The following MSR1 variants were observed in gnomAD, a reference collection of about 807,000 sequenced individuals.
MSR1 encodes macrophage scavenger receptor types I and II.
A neutral mutation model predicts 47.2 loss-of-function variants in MSR1; 53 were observed. That is an observed-to-expected ratio of 1.12 (90% confidence interval 0.90 to 1.41). The LOEUF is 1.41. Ranked by LOEUF, MSR1 falls within the 40% of genes most tolerant of loss-of-function variation. The probability of loss-of-function intolerance (pLI) is 0.00; values close to 1 mark genes in which losing one functional copy is unlikely to be tolerated. For missense variants in MSR1, 786 were observed against 546.9 expected (o/e 1.44, Z -4.36); for synonymous variants, 239 against 185.6 (o/e 1.29, Z -2.34).
At chr8:16,168,982 T>C (rs1032470501) in intron 3 of MSR1, 112 bp from the exon 4 acceptor site, 14 of 1,105,902 alleles carry the variant, frequency 1.3e-5, no homozygotes, top group Non-Finnish European at 1.9e-5. Flanking sequence ...TTCCAACATT[T>C]TGAATGCTAG....
intron 6 of MSR1, among the ~76,000 whole-genome samples, chr8:16,150,968 A>G (rs1343052900): frequency 6.6e-6 from 1 of 152,064 alleles, no homozygotes; most frequent in Non-Finnish European, 1.5e-5. Flanking sequence ...GAAAACTGAA[A>G]ATGGCTATTT....
rs1246537430 is a variant in MSR1 at position 16,192,637 on chromosome 8, T to C, written c.-44A>G. On this transcript the variant is annotated 5_prime_UTR_variant, in exon 1 of 10. Transcript: ENST00000262101. ...AAAGCAGCACTGATTTATCCACTTCTCTCTCTTTACAATTGAAACCTAAAA... is the reference window on the plus strand; with the variant it reads ...AAAGCAGCACTGATTTATCCACTTCCCTCTCTTTACAATTGAAACCTAAAA... The C allele has an allele frequency of 6.6e-6, 1 of 152,102 alleles. No homozygotes were observed. Among genetic ancestry groups the C allele is most frequent in the Non-Finnish European group, 1.5e-5 (1 of 68,000 alleles). 9.4% of individuals were successfully genotyped at this position (152,102 alleles called of 1,614,324 possible). A position where few individuals can be genotyped will look rare whatever the true frequency, so the allele number is the denominator to read the frequency against.
intron 8 of MSR1, among the ~76,000 whole-genome samples, chr8:16,127,292 A>G (rs1408894210): frequency 6.6e-6 from 1 of 152,128 alleles, no homozygotes; most frequent in East Asian, 1.9e-4. Flanking sequence ...CTAGAACAAT[A>G]CTAGAATACA....
At chr8:16,114,201 A>G (rs1554460348) in intron 9 of MSR1, among the ~76,000 whole-genome samples, 14 of 148,662 alleles carry the variant, frequency 9.4e-5, no homozygotes, top group Non-Finnish European at 1.5e-5. Context: ...ATAGAGGTGC[A>G]TTTTTTGATT....
At chr8:16,171,684 C>T (rs907825623) in intron 3 of MSR1, among the ~76,000 whole-genome samples, 2 of 152,122 alleles carry the variant, frequency 1.3e-5, no homozygotes, top group South Asian at 2.1e-4. Flanking sequence ...CAATGAGGAG[C>T]CCAAATAAAC....
At chr8:16,155,884 A>T (rs1800992751) in intron 5 of MSR1, among the ~76,000 whole-genome samples, 1 of 151,914 alleles carries the variant, frequency 6.6e-6, no homozygotes, top group Admixed American at 6.6e-5. Flanking sequence ...AGACATTGCA[A>T]GGAAAACTTT....
intron 6 of MSR1, 110 bp from the exon 7 acceptor site, chr8:16,150,421 C>G: frequency 2.2e-6 from 1 of 448,306 alleles, no homozygotes; most frequent in Admixed American, 4.0e-5. Context: ...AGAGAATCTT[C>G]AAATGAAGGA....
At chr8:16,186,105 A>C in intron 1 of MSR1, 1 of 1,397,936 alleles carries the variant, frequency 7.2e-7, no homozygotes, top group Non-Finnish European at 9.7e-7. Context: ...GGCAGTAATA[A>C]ATGTATAAAA....
intron 8 of MSR1, among the ~76,000 whole-genome samples, chr8:16,134,234 T>G (rs1405887032): frequency 2.0e-5 from 3 of 152,142 alleles, no homozygotes; most frequent in African/African-American, 7.2e-5. Context: ...TGATAGGGGC[T>G]CTTTTTAAAT....
chr8:16,164,597 C>T (rs1489214755), intron 4 of MSR1, among the ~76,000 whole-genome samples: 2 of 151,834 alleles, frequency 1.3e-5, no homozygotes, highest in African/African-American at 2.4e-5. Context: ...AAAATGTCTT[C>T]GTACTGTACT....
At chr8:16,148,713 GCCT>G (rs1211077854) in intron 7 of MSR1, among the ~76,000 whole-genome samples, 1 of 151,036 alleles carries the variant, frequency 6.6e-6, no homozygotes, top group East Asian at 1.9e-4. Flanking sequence ...GCCTGCCTTG[GCCT>G]CCAAAAGTGC....
rs1800211803 is a variant in MSR1 at position 16,129,740 on chromosome 8, T to G, written c.1034-9134A>C. ...TCCAGCCTGGGTCACAGAAAGAGAC[T>G]ATCCCCTCAACACGCCCTAAAAAAG... On this transcript the variant is annotated intron_variant, in intron 8 of 9. Coordinates refer to ENST00000262101, the MANE Select transcript of MSR1 (RefSeq NM_138715.3). 1.3e-5 allele frequency among the ~76,000 whole-genome samples: 2 copies of G among 149,396 alleles called. 1 individual carries two copies. The highest frequency in any genetic ancestry group is 1.4e-4 in the Admixed American group (2 of 14,680).
intron 1 of MSR1, among the ~76,000 whole-genome samples, chr8:16,178,295 C>T (rs1179332986): frequency 6.7e-6 from 1 of 150,348 alleles, no homozygotes; most frequent in East Asian, 2.0e-4. Flanking sequence ...TGACGTTCCC[C>T]TTCCTGTGAC....
Position 16,143,614 on chromosome 8 carries a change from T to G in MSR1, c.980-3A>C. 1 of 1,611,314 alleles carries G rather than the reference T, an allele frequency of 6.2e-7. No homozygotes were observed. Among genetic ancestry groups the G allele is most frequent in the Non-Finnish European group, 8.5e-7 (1 of 1,178,266 alleles). ...CTGGCCTTTTGGTCCAGAATTTCCT[T>G]GAGAAAAGAAGAAAAATATTTGTTT... On this transcript the variant is annotated splice_polypyrimidine_tract_variant and splice_region_variant and intron_variant, in intron 7 of 9. Transcript: ENST00000262101.
chr8:16,184,745 C>T (rs1801944990), intron 1 of MSR1, among the ~76,000 whole-genome samples: 1 of 152,092 alleles, frequency 6.6e-6, no homozygotes, highest in Non-Finnish European at 1.5e-5. Flanking sequence ...TTCTCCCTTT[C>T]ACTTTGAACT....
rs150710487 is a variant in MSR1 at position 16,118,467 on chromosome 8, G to A, written c.1222+1951C>T. Among the ~76,000 whole-genome samples the A allele has an allele frequency of 1.3e-4, 20 of 152,254 alleles. No individual in the cohort carries two copies. The East Asian group carries it at 3.3e-3, about 25-fold the overall frequency. On this transcript the variant is annotated intron_variant, in intron 9 of 9. Coordinates refer to ENST00000262101, the MANE Select transcript of MSR1 (RefSeq NM_138715.3). ...AATTTGGAAACGTGGGCTGGGTGGC[G>A]TGGCTCACACCTGTAATCCCAGCAC...
intron 7 of MSR1, among the ~76,000 whole-genome samples, chr8:16,146,672 G>T (rs1041769213): frequency 2.0e-5 from 3 of 152,018 alleles, no homozygotes; most frequent in African/African-American, 4.8e-5. Flanking sequence ...TTCTTCTTCA[G>T]TTGGGCTACT....
At chr8:16,133,836 C>T (rs1473938818) in intron 8 of MSR1, among the ~76,000 whole-genome samples, 1 of 152,134 alleles carries the variant, frequency 6.6e-6, no homozygotes, top group Non-Finnish European at 1.5e-5. Context: ...TGCAGCTGAT[C>T]TGGACACAAT....
intron 8 of MSR1, among the ~76,000 whole-genome samples, chr8:16,134,444 A>C (rs1413123626): frequency 6.6e-5 from 10 of 152,062 alleles, no homozygotes; most frequent in Admixed American, 6.6e-4. Context: ...TAGTTTGGGG[A>C]ACCACAAACC....
Sources: gnomAD v4.1 joint callset for allele counts (sites outside exome capture counted in the v4.1 genomes callset) on GRCh38, gnomAD v4.1.1 for gene constraint, MANE v1.5 for transcripts, NCBI Gene and HGNC (gene_info 2026-07-23, HGNC 2026-07-21) for gene names.